The following RASGRF1 variants were observed in gnomAD, a reference collection of about 807,000 sequenced individuals.
The protein encoded by RASGRF1 is ras-specific guanine nucleotide-releasing factor 1.
Under a neutral mutation model 138.7 loss-of-function variants are expected in RASGRF1, and 40 were observed. That is an observed-to-expected ratio of 0.29 (90% CI 0.22 to 0.38). RASGRF1 has a LOEUF of 0.38. RASGRF1 is among the 10% of genes least tolerant of loss of function. The pLI is 1.00. For synonymous variants in RASGRF1, 614 were observed against 663.2 expected (o/e 0.93, Z 1.14); for missense variants, 1,108 against 1,650.4 (o/e 0.67, Z 5.69).
chr15:79,080,638 CTTTAT>C (rs1163526395), intron 1 of RASGRF1, among the ~76,000 whole-genome samples: 5 of 151,520 alleles, frequency 3.3e-5, no homozygotes, highest in African/African-American at 9.7e-5. Flanking sequence ...TTTGAAAGGA[CTTTAT>C]TTTAAGATCT....
Position 79,032,320 on chromosome 15 carries a change from G to C in RASGRF1, c.959-4C>G, listed in dbSNP as rs370926073. 13 of 1,613,622 alleles carry C rather than the reference G, an allele frequency of 8.1e-6. No homozygotes were observed. Among genetic ancestry groups the C allele is most frequent in the African/African-American group, 5.3e-5 (4 of 74,892 alleles). On this transcript the variant is annotated splice_region_variant and splice_polypyrimidine_tract_variant and intron_variant, in intron 6 of 26. Transcript: ENST00000558480. This position sits in a 1 kb window ranked among gnomAD's most constrained non-coding sequence, Gnocchi z 4.5. ...AGCAGGATGTCAAATAGGTCAGCTG[G>C]AAGGACGAGGCAGTCAGCGGGTGGC...
chr15:78,986,909 G>A (rs2056170657), intron 22 of RASGRF1, among the ~76,000 whole-genome samples: 1 of 152,112 alleles, frequency 6.6e-6, no homozygotes, highest in Non-Finnish European at 1.5e-5. Flanking sequence ...TTAAATTGAA[G>A]TAGTAGTTAA....
intron 1 of RASGRF1, among the ~76,000 whole-genome samples, chr15:79,076,852 C>G (rs11629560): frequency 6.6e-6 from 1 of 152,152 alleles, no homozygotes; most frequent in Non-Finnish European, 1.5e-5. Flanking sequence ...AGCCTGGCAC[C>G]GTGCCTTGGC....
intron 19 of RASGRF1, 78 bp from the exon 20 acceptor site, chr15:78,995,878 G>A (rs2056381661): frequency 4.3e-6 from 6 of 1,410,506 alleles, no homozygotes; most frequent in Non-Finnish European, 6.0e-6. Context: ...AGCCCCACAC[G>A]GCCTCTGCTC....
At chr15:79,065,969 T>A (rs972943267) in intron 1 of RASGRF1, among the ~76,000 whole-genome samples, 21 of 151,370 alleles carry the variant, frequency 1.4e-4, no homozygotes, top group Non-Finnish European at 1.8e-4. Context: ...GAGAGTGAGT[T>A]GTTACAGAGT....
intron 10 of RASGRF1, among the ~76,000 whole-genome samples, chr15:79,020,945 C>T (rs1327987139): frequency 6.6e-6 from 1 of 152,210 alleles, no homozygotes; most frequent in Non-Finnish European, 1.5e-5. Flanking sequence ...CCTGCTTGCT[C>T]TCTTGCTGTC....
intron 13 of RASGRF1, among the ~76,000 whole-genome samples, chr15:79,009,263 T>C (rs1354601944): frequency 2.6e-5 from 4 of 152,176 alleles, no homozygotes; most frequent in Admixed American, 2.6e-4. Flanking sequence ...TAAAAGTTGA[T>C]CATTTTTCCT....
intron 19 of RASGRF1, 77 bp from the exon 20 acceptor site, chr15:78,995,877 C>G: frequency 7.1e-7 from 1 of 1,418,090 alleles, no homozygotes; most frequent in Non-Finnish European, 1.0e-6. Context: ...CAGCCCCACA[C>G]GGCCTCTGCT....
intron 10 of RASGRF1, among the ~76,000 whole-genome samples, chr15:79,022,497 A>C (rs1041710764): frequency 6.7e-6 from 1 of 149,480 alleles, no homozygotes; most frequent in African/African-American, 2.5e-5. Context: ...AATCACAAAC[A>C]AGCAAACAAA....
At chr15:79,031,909 G>C (rs1053049040) in intron 7 of RASGRF1, among the ~76,000 whole-genome samples, 3 of 152,084 alleles carry the variant, frequency 2.0e-5, no homozygotes, top group Non-Finnish European at 4.4e-5. Flanking sequence ...GTGGGGTGGG[G>C]TGCTCAGGAG....
At chr15:78,970,363 A>G (rs983224157) in intron 26 of RASGRF1, among the ~76,000 whole-genome samples, 3 of 152,206 alleles carry the variant, frequency 2.0e-5, no homozygotes, top group African/African-American at 7.2e-5. Context: ...TCTACTAAAA[A>G]TACAAAAATT....
rs1184989324 is a variant in RASGRF1, at chr15:79,046,999, C to A, written c.625G>T (p.Val209Leu). The A allele has an allele frequency of 6.8e-6, 11 of 1,609,274 alleles. No homozygotes were observed. The highest frequency in any genetic ancestry group is 8.5e-6 in the Non-Finnish European group (10 of 1,177,584). Residue 209 changes from valine (V) to leucine (L), a missense_variant and splice_region_variant, in exon 5 of 27, where the codon GTG becomes TTG. By Grantham distance (32) the Val-to-Leu change is conservative. This residue lies in a region of RASGRF1 where 253 missense variants were observed against 329.5 expected (regional missense o/e 0.77). Transcript: ENST00000558480. This position sits in a 1 kb window ranked among gnomAD's most constrained non-coding sequence, Gnocchi z 5.3. ...EDSDIKKIKK[V>L]QSFLRGWLCR... Reference sequence around the variant, plus strand: ...AGCCAGCCCCGCAGGAAGCTCTGCACCTGAGCAGCAAGACCGGTGGGGAGA... The same window carrying A: ...AGCCAGCCCCGCAGGAAGCTCTGCAACTGAGCAGCAAGACCGGTGGGGAGA...
At chr15:79,016,251 T>C (rs1730833466) in intron 12 of RASGRF1, among the ~76,000 whole-genome samples, 1 of 152,122 alleles carries the variant, frequency 6.6e-6, no homozygotes, top group Non-Finnish European at 1.5e-5. Flanking sequence ...GTCAAAGTCA[T>C]TGGGAAGTGG....
At chr15:79,037,197 A>G (rs1365770080) in intron 5 of RASGRF1, among the ~76,000 whole-genome samples, 1 of 152,094 alleles carries the variant, frequency 6.6e-6, no homozygotes, top group Non-Finnish European at 1.5e-5. Flanking sequence ...AGACCAACCC[A>G]GGGGTGCATG....
chr15:79,028,787 A>G (rs1248072661), intron 8 of RASGRF1, among the ~76,000 whole-genome samples: 1 of 152,228 alleles, frequency 6.6e-6, no homozygotes, highest in Non-Finnish European at 1.5e-5. Context: ...ACCAACAAGA[A>G]GGCTGGTTAA....
intron 2 of RASGRF1, 72 bp from the exon 3 acceptor site, chr15:79,058,553 C>T (rs754854962): frequency 9.9e-5 from 156 of 1,571,124 alleles, no homozygotes; most frequent in Middle Eastern, 9.3e-4. Context: ...GGGCACTGAC[C>T]GGGAGAGGGG....
intron 1 of RASGRF1, among the ~76,000 whole-genome samples, chr15:79,072,265 A>ATTTTTTTTTTTTT (rs1567614777): frequency 2.1e-5 from 1 of 46,658 alleles, no homozygotes; most frequent in East Asian, 1.1e-3. Context: ...TTGATAAACA[A>ATTTTTTTTTTTTT]TCTTTTTTTT....
At chr15:79,089,483 T>TGCGGCGGCG (rs368258177) in intron 1 of RASGRF1, among the ~76,000 whole-genome samples, 4 of 152,116 alleles carry the variant, frequency 2.6e-5, no homozygotes, top group Non-Finnish European at 2.9e-5. Flanking sequence ...TAGCCGCGAC[T>TGCGGCGGCG]GCGGCGGCGG....
chr15:79,031,414 C>T lies in RASGRF1; in HGVS notation c.1248G>A (p.Leu416=). 2 of 1,609,330 alleles carry T rather than the reference C, an allele frequency of 1.2e-6. No homozygotes were observed. Among genetic ancestry groups the T allele is most frequent in the Non-Finnish European group, 1.7e-6 (2 of 1,177,380 alleles). ...RNSLDYAKSK[L]EELSRIMHDE... ...CCAGGCCTCACCTGGACAGCTCCTCCAGTTTGGACTTGGCGTAGTCCAGGC... is the reference window on the plus strand; with the variant it reads ...CCAGGCCTCACCTGGACAGCTCCTCTAGTTTGGACTTGGCGTAGTCCAGGC... The change falls in exon 8 of 27, where the codon CTG becomes CTA. Residue 416 remains leucine, a synonymous_variant. Transcript: ENST00000558480.
Sources: gnomAD v4.1 joint callset for allele counts (sites outside exome capture counted in the v4.1 genomes callset) on GRCh38, gnomAD v4.1.1 for gene constraint, gnomAD v4.1.1 regional missense constraint, Gnocchi (gnomAD v3.1) non-coding constraint, MANE v1.5 for transcripts, NCBI Gene and HGNC (gene_info 2026-07-23, HGNC 2026-07-21) for gene names.